The following ADAMTS12 variants were observed in gnomAD, a reference collection of about 807,000 sequenced individuals.
ADAMTS12 encodes ADAM metallopeptidase with thrombospondin type 1 motif 12.
In ADAMTS12, 118 loss-of-function variants were observed where a neutral mutation model predicts 167.8. The observed-to-expected ratio is 0.70, with a 90% CI of 0.61 to 0.82. ADAMTS12 has a LOEUF of 0.82. Among genes scored for constraint, ADAMTS12 ranks in the 40% least tolerant of loss-of-function variants. The pLI is 0.00. For synonymous variants in ADAMTS12, 704 were observed against 716.9 expected, an observed-to-expected ratio of 0.98 and a Z score of 0.29; for missense variants, 1,916 against 1,998.8, an observed-to-expected ratio of 0.96 and a Z score of 0.79.
chr5:33,553,730 G>A (rs1457442348), intron 20 of ADAMTS12, among the ~76,000 whole-genome samples: 1 of 152,318 alleles, frequency 6.6e-6, no homozygotes, highest in East Asian at 1.9e-4. Flanking sequence ...GAGTGTGGGA[G>A]GAGGGAGAGG....
Position 33,751,430 on chromosome 5 carries a change from GT to G in ADAMTS12, c.607del (p.Thr203ProfsTer8). 1 of 1,614,172 alleles carries G rather than the reference GT, an allele frequency of 6.2e-7. No homozygotes were observed. ...IVYRRQKVPE[T>X]KEPTCGLKDS... The stretch of plus-strand genomic sequence containing the variant: ...CTTTAATCCACAGGTTGGCTCCTTG[GT>G]TTCTGGAACTTTCTGCCTCCTGTAA... On this transcript the variant is annotated frameshift_variant, in exon 3 of 24. Transcript: ENST00000504830. LOFTEE classifies it high-confidence loss of function.
intron 1 of ADAMTS12, among the ~76,000 whole-genome samples, chr5:33,883,930 G>T (rs772290975): frequency 6.6e-6 from 1 of 152,134 alleles, no homozygotes; most frequent in Non-Finnish European, 1.5e-5. Context: ...TGGGTGAGGC[G>T]GATGCAGTCA....
intron 20 of ADAMTS12, among the ~76,000 whole-genome samples, chr5:33,554,634 A>T (rs1745408103): frequency 6.6e-6 from 1 of 152,238 alleles, no homozygotes; most frequent in Non-Finnish European, 1.5e-5. Flanking sequence ...TGACTTTTGC[A>T]CACTGGACTT....
chr5:33,531,078 C>T (rs905511751), intron 23 of ADAMTS12, among the ~76,000 whole-genome samples: 82 of 152,128 alleles, frequency 5.4e-4, no homozygotes, highest in African/African-American at 1.9e-3. Flanking sequence ...GAGGAAAAGC[C>T]GTGCTGAGAC....
intron 5 of ADAMTS12, among the ~76,000 whole-genome samples, chr5:33,674,498 A>T (rs1401484755): frequency 6.6e-6 from 1 of 152,204 alleles, no homozygotes; most frequent in African/African-American, 2.4e-5. Flanking sequence ...GGAAGGATTT[A>T]CTTTATGTCC....
intron 3 of ADAMTS12, among the ~76,000 whole-genome samples, chr5:33,734,231 C>A (rs1744289638): frequency 1.3e-5 from 2 of 152,202 alleles, no homozygotes; most frequent in South Asian, 4.1e-4. Context: ...AGAGACCAAA[C>A]CCCACTCTGC....
At chr5:33,532,831 T>C (rs1418891518) in intron 23 of ADAMTS12, among the ~76,000 whole-genome samples, 1 of 152,234 alleles carries the variant, frequency 6.6e-6, no homozygotes, top group Non-Finnish European at 1.5e-5. Context: ...GAGTATGTTA[T>C]GTTTATTGTG....
intron 18 of ADAMTS12, among the ~76,000 whole-genome samples, chr5:33,582,168 C>T (rs1265610531): frequency 6.6e-6 from 1 of 152,186 alleles, no homozygotes; most frequent in Non-Finnish European, 1.5e-5. Context: ...TAAAACAAAT[C>T]AGACCTGAGG....
intron 2 of ADAMTS12, among the ~76,000 whole-genome samples, chr5:33,783,108 C>T (rs1746200476): frequency 6.6e-6 from 1 of 151,804 alleles, no homozygotes; most frequent in Admixed American, 6.6e-5. Context: ...TTAGAAATCA[C>T]CAACTGAAAG....
At chr5:33,782,921 C>T (rs557964656) in intron 2 of ADAMTS12, among the ~76,000 whole-genome samples, 2 of 152,044 alleles carry the variant, frequency 1.3e-5, no homozygotes, top group Non-Finnish European at 2.9e-5. Flanking sequence ...ACAATGCTAT[C>T]AACTTGACCT....
chr5:33,805,518 T>A (rs1438330397), intron 2 of ADAMTS12, among the ~76,000 whole-genome samples: 1 of 152,194 alleles, frequency 6.6e-6, no homozygotes, highest in Non-Finnish European at 1.5e-5. Context: ...ATTAGGAGGA[T>A]CACTGACTGC....
chr5:33,561,466 T>C (rs532142368), intron 19 of ADAMTS12, among the ~76,000 whole-genome samples: 284 of 152,318 alleles, frequency 1.9e-3, no homozygotes, highest in African/African-American at 6.4e-3. Flanking sequence ...TCAATGCAAA[T>C]GGAAATTTGC....
chr5:33,673,909 T>A (rs12660055), intron 5 of ADAMTS12, among the ~76,000 whole-genome samples: 145,448 of 152,198 alleles, frequency 0.96, 69,847 homozygotes, highest in Non-Finnish European at 1. Context: ...AGATTTAATT[T>A]GGGCATTTCC....
intron 15 of ADAMTS12, among the ~76,000 whole-genome samples, chr5:33,614,859 C>T (rs567382601): frequency 3.3e-5 from 5 of 152,250 alleles, no homozygotes. Flanking sequence ...AATGAGTAAA[C>T]ACATGGAAAG....
intron 2 of ADAMTS12, among the ~76,000 whole-genome samples, chr5:33,841,437 C>G (rs1387077780): frequency 2.6e-5 from 4 of 152,196 alleles, no homozygotes; most frequent in African/African-American, 9.6e-5. Flanking sequence ...GCTCATTTCT[C>G]TTTCAACTTC....
chr5:33,891,774 C>T lies in ADAMTS12; in HGVS notation c.83G>A (p.Arg28Lys). The T allele has an allele frequency of 6.2e-7, 1 of 1,614,222 alleles. No individual in the cohort carries two copies. The highest frequency in any genetic ancestry group is 8.5e-7 in the Non-Finnish European group (1 of 1,180,028). ...GCGAACCGGGCCTGGCTGAGGCTGTCTCCCATAGCAAAGCGCCCCAAAGTT... is the reference window on the plus strand; with the variant it reads ...GCGAACCGGGCCTGGCTGAGGCTGTTTCCCATAGCAAAGCGCCCCAAAGTT... Reference protein sequence around the residue: ...LLNFGALCYGRQPQPGPVRFP... With the variant: ...LLNFGALCYGKQPQPGPVRFP... The change falls in exon 1 of 24, where the codon AGA (arginine) becomes AAA (lysine). Residue 28 changes from arginine to lysine, a missense_variant. Arg to Lys is a conservative substitution (Grantham distance 26). Transcript: ENST00000504830.
chr5:33,686,698 A>C lies in ADAMTS12; in HGVS notation c.635-2643T>G, dbSNP rs538493834. 8.3e-3 allele frequency among the ~76,000 whole-genome samples: 1,182 copies of C among 143,264 alleles called. 10 individuals are homozygous for C. The highest frequency in any genetic ancestry group is 0.029 in the African/African-American group (1,113 of 37,854). 94.0% of individuals were successfully genotyped at this position (143,264 alleles called of 152,430 possible). A position where few individuals can be genotyped will look rare whatever the true frequency, so the allele number is the denominator to read the frequency against. ...TTATAAGGAAAGGAAGAGACATCAG[A>C]GCCCTCTCTTTCTCTCAGAGAGAGG... is the stretch of plus-strand genomic sequence containing the variant. On this transcript the variant is annotated intron_variant, in intron 3 of 23. Coordinates refer to ENST00000504830, the MANE Select transcript of ADAMTS12 (RefSeq NM_030955.4).
rs561054298 is a variant in ADAMTS12 at position 33,629,362 on chromosome 5, T to A, written c.2022+1418A>T. Among the ~76,000 whole-genome samples, 15 of 132,982 alleles carry A rather than the reference T, an allele frequency of 1.1e-4. No homozygotes were observed. The East Asian group carries it at 3.3e-3, about 29-fold the overall frequency. The allele number at this position is 132,982 out of a possible 152,430, so 87.2% of individuals were successfully genotyped here. A position where few individuals can be genotyped will look rare whatever the true frequency, so the allele number is the denominator to read the frequency against. ...AATAATTTTGTCCAGTGGAAAAACA[T>A]ATTATAAATATTTTTAAAAAACAAA... On this transcript the variant is annotated intron_variant, in intron 13 of 23. Coordinates refer to ENST00000504830, the MANE Select transcript of ADAMTS12 (RefSeq NM_030955.4).
Position 33,883,766 on chromosome 5 carries a change from T to C in ADAMTS12, c.128-2286A>G, listed in dbSNP as rs571705693. 2.8e-4 allele frequency among the ~76,000 whole-genome samples: 43 copies of C among 152,250 alleles called. No homozygotes were observed. In the South Asian group the frequency reaches 3.7e-3, roughly 13 times the overall value. ...CATAAATATATATAACAAAAAAAGC[T>C]TTTTCGCAAATTCATGATACTAGTG... On this transcript the variant is annotated intron_variant, in intron 1 of 23. Coordinates refer to ENST00000504830, the MANE Select transcript of ADAMTS12 (RefSeq NM_030955.4).
Sources: gnomAD v4.1 joint callset for allele counts (sites outside exome capture counted in the v4.1 genomes callset) on GRCh38, gnomAD v4.1.1 for gene constraint, MANE v1.5 for transcripts, NCBI Gene and HGNC (gene_info 2026-07-23, HGNC 2026-07-21) for gene names.